Variants in ZNF710 observed in about 807,000 individuals in gnomAD.
ZNF710 encodes zinc finger protein 710.
A neutral mutation model predicts 50.6 loss-of-function variants in ZNF710; 13 were observed. That is an observed-to-expected ratio of 0.26 (90% confidence interval 0.17 to 0.41). The LOEUF (loss-of-function observed/expected upper bound fraction) is 0.41. ZNF710 is among the 10% of genes least tolerant of loss of function. The probability of loss-of-function intolerance (pLI) is 1.00; values close to 1 mark genes in which losing one functional copy is unlikely to be tolerated. For missense variants in ZNF710, 721 were observed against 936.6 expected, an observed-to-expected ratio of 0.77 and a Z score of 3.01; for synonymous variants, 383 against 397.0, an observed-to-expected ratio of 0.96 and a Z score of 0.42.
At chr15:90,046,813 G>C (rs767902376) in intron 1 of ZNF710, among the ~76,000 whole-genome samples, 1 of 152,326 alleles carries the variant, frequency 6.6e-6, no homozygotes, top group Non-Finnish European at 1.5e-5. Flanking sequence ...GCTGTGGTGT[G>C]GGTAAAGGTA....
intron 1 of ZNF710, among the ~76,000 whole-genome samples, chr15:90,013,956 A>G (rs1406046346): frequency 1.3e-5 from 2 of 152,144 alleles, no homozygotes; most frequent in Non-Finnish European, 2.9e-5. Context: ...CCAGAGCTGT[A>G]TCATTTATTT....
At chr15:90,047,471 A>T (rs769630528) in intron 1 of ZNF710, among the ~76,000 whole-genome samples, 17 of 152,196 alleles carry the variant, frequency 1.1e-4, no homozygotes, top group Admixed American at 2.6e-4. Context: ...GTGCTTCAAA[A>T]CCTGGTGGGG....
chr15:90,065,544 T>A (rs1304353925), intron 1 of ZNF710, among the ~76,000 whole-genome samples: 1 of 152,196 alleles, frequency 6.6e-6, no homozygotes, highest in East Asian at 1.9e-4. Flanking sequence ...GAGCCACGCC[T>A]CGGAGGCTGG....
At chr15:90,019,724 G>A (rs762245857) in intron 1 of ZNF710, among the ~76,000 whole-genome samples, 13 of 152,176 alleles carry the variant, frequency 8.5e-5, no homozygotes, top group Non-Finnish European at 1.8e-4. Flanking sequence ...ATGGGAGTGC[G>A]AGGGCTGGGC....
At chr15:90,020,791 C>T (rs1486580378) in intron 1 of ZNF710, among the ~76,000 whole-genome samples, 1 of 152,200 alleles carries the variant, frequency 6.6e-6, no homozygotes, top group Non-Finnish European at 1.5e-5. Context: ...CCGGTCCTCC[C>T]TCTCCTCCCT....
At chr15:90,035,092 A>G (rs1899079303) in intron 1 of ZNF710, among the ~76,000 whole-genome samples, 1 of 152,212 alleles carries the variant, frequency 6.6e-6, no homozygotes, top group Non-Finnish European at 1.5e-5. Context: ...GAAGGGGAGC[A>G]CTGCTGGAGG....
chr15:90,048,372 G>A (rs905713658), intron 1 of ZNF710, among the ~76,000 whole-genome samples: 1 of 152,226 alleles, frequency 6.6e-6, no homozygotes, highest in Non-Finnish European at 1.5e-5. Context: ...GAGAACCCAC[G>A]GGGTTCCCAG....
chr15:90,058,701 T>TATATATATATATATATATATA lies in ZNF710; in HGVS notation c.-28-8409_-28-8408insATATATATATATATATATATA, dbSNP rs1567236919. Among the ~76,000 whole-genome samples the TATATATATATATATATATATA allele has an allele frequency of 4.3e-4, 62 of 143,530 alleles. 1 individual carries two copies. Among genetic ancestry groups the TATATATATATATATATATATA allele is most frequent in the South Asian group, 8.6e-4 (4 of 4,630 alleles). 94.2% of individuals were successfully genotyped at this position (143,530 alleles called of 152,430 possible). A position where few individuals can be genotyped will look rare whatever the true frequency, so the allele number is the denominator to read the frequency against. ...AGAACCAGTAGGAGACACTATATAT[T>TATATATATATATATATATATA]TATATATATATATATATACACACAT... On this transcript the variant is annotated intron_variant, in intron 1 of 4. Transcript: ENST00000268154.
rs922723804 is a variant in ZNF710 at position 90,045,442 on chromosome 15, G to A, written c.-28-21668G>A. On this transcript the variant is annotated intron_variant, in intron 1 of 4. Transcript: ENST00000268154. ...GGACCTGGGTAAGGGTGCAGCTCTA[G>A]TGAGGTCAACACTGAGGTGAGCGCA... The A allele has an allele frequency of 8.2e-6, 8 of 974,076 alleles. No homozygotes were observed. In the African/African-American group the frequency reaches 1.4e-4, roughly 17 times the overall value. 60.3% of individuals were successfully genotyped at this position (974,076 alleles called of 1,614,324 possible). A position where few individuals can be genotyped will look rare whatever the true frequency, so the allele number is the denominator to read the frequency against.
chr15:90,007,836 C>T (rs190702610), intron 1 of ZNF710, among the ~76,000 whole-genome samples: 1 of 151,796 alleles, frequency 6.6e-6, no homozygotes, highest in Non-Finnish European at 1.5e-5. Context: ...GTAAGCATCT[C>T]CCCAGTTGTT....
intron 1 of ZNF710, among the ~76,000 whole-genome samples, chr15:90,039,639 A>G (rs187038345): frequency 6.6e-6 from 1 of 152,346 alleles, no homozygotes; most frequent in Admixed American, 6.5e-5. Context: ...GAGCTCAGGT[A>G]TGGAGGTGTC....
At position 90,059,825 on chromosome 15, in the gene ZNF710, G is replaced by A. The variant is rs1899948586; in HGVS notation, c.-28-7285G>A. On this transcript the variant is annotated intron_variant, in intron 1 of 4. Coordinates refer to ENST00000268154, the MANE Select transcript of ZNF710 (RefSeq NM_198526.4). This position sits in a 1 kb window ranked among gnomAD's most constrained non-coding sequence, Gnocchi z 4.1. ...GGACAACAGGGGAAACCAAGAGGCT[G>A]GTTTCCTTAGGCGGTGAAATCCCGT... Among the ~76,000 whole-genome samples the A allele has an allele frequency of 3.9e-5, 6 of 152,340 alleles. No homozygotes were observed. The South Asian group carries it at 1.2e-3, about 32-fold the overall frequency.
intron 1 of ZNF710, among the ~76,000 whole-genome samples, chr15:90,046,091 A>G (rs1048968748): frequency 2.6e-5 from 4 of 152,118 alleles, no homozygotes; most frequent in Non-Finnish European, 4.4e-5. Context: ...GGGGGGACAC[A>G]GGGCTCTCTG....
intron 1 of ZNF710, among the ~76,000 whole-genome samples, chr15:90,035,421 T>C (rs1899091748): frequency 6.6e-6 from 1 of 152,174 alleles, no homozygotes; most frequent in African/African-American, 2.4e-5. Context: ...GCCTGTGCAG[T>C]GAGCTGGCTG....
In ZNF710 at chr15:90,034,428, CTGTGTGTGTGTGTGTG is replaced by C. The variant is rs398028304; in HGVS notation, c.-28-32650_-28-32635del. On this transcript the variant is annotated intron_variant, in intron 1 of 4. Coordinates refer to ENST00000268154, the MANE Select transcript of ZNF710 (RefSeq NM_198526.4). This position sits in a 1 kb window ranked among gnomAD's most constrained non-coding sequence, Gnocchi z 4.0. ...AGCTGTCCTTCCTGTTTCCAAATTCCTGTGTGTGTGTGTGTGTGTGTGTGTGTGTGTGTGTGTGTGT... is the reference window on the plus strand; with the variant it reads ...AGCTGTCCTTCCTGTTTCCAAATTCCTGTGTGTGTGTGTGTGTGTGTGTGT... Among the ~76,000 whole-genome samples the C allele has an allele frequency of 2.9e-3, 397 of 136,274 alleles. 2 individuals carry two copies. The highest frequency in any genetic ancestry group is 7.4e-3 in the Middle Eastern group (2 of 272). The allele number at this position is 136,274 out of a possible 152,430, so 89.4% of individuals were successfully genotyped here. A position where few individuals can be genotyped will look rare whatever the true frequency, so the allele number is the denominator to read the frequency against.
intron 1 of ZNF710, among the ~76,000 whole-genome samples, chr15:90,031,014 G>C (rs866680006): frequency 5.7e-5 from 2 of 35,132 alleles, no homozygotes; most frequent in Non-Finnish European, 1.3e-4. Context: ...GCGAGACTCC[G>C]TCTCAAAAAA....
In ZNF710 at chr15:90,080,238, G is replaced by A; in HGVS notation, c.*409G>A. The stretch of plus-strand genomic sequence containing the variant: ...CCACTTGAGCCATGTCTTTTTCACG[G>A]CCAACTCCTGCCTCTAAGGATGTCT... On this transcript the variant is annotated 3_prime_UTR_variant, in exon 5 of 5. Coordinates refer to ENST00000268154, the MANE Select transcript of ZNF710 (RefSeq NM_198526.4). The A allele has an allele frequency of 6.2e-6, 1 of 162,088 alleles. No homozygotes were observed. Among genetic ancestry groups the A allele is most frequent in the Non-Finnish European group, 1.3e-5 (1 of 74,984 alleles). The allele number at this position is 162,088 out of a possible 1,614,324, so 10.0% of individuals were successfully genotyped here.
Position 90,068,170 on chromosome 15 carries a change from C to T in ZNF710, c.1033C>T (p.His345Tyr). The T allele has an allele frequency of 6.2e-7, 1 of 1,614,182 alleles. No individual in the cohort carries two copies. The highest frequency in any genetic ancestry group is 8.5e-7 in the Non-Finnish European group (1 of 1,180,046). Residue 345 changes from histidine (H) to tyrosine (Y), a missense_variant, in exon 2 of 5, where the codon CAC becomes TAC. Transcript: ENST00000268154. This position sits in a 1 kb window ranked among gnomAD's most constrained non-coding sequence, Gnocchi z 5.0. The stretch of plus-strand genomic sequence containing the variant: ...CCACCTGCAGACGCACCTGCTGACG[C>T]ACCAGGGCACCCGGCCCCACAAGTG... ...PSHLQTHLLT[H>Y]QGTRPHKCQV...
chr15:90,042,955 A>G (rs1899344280), intron 1 of ZNF710, among the ~76,000 whole-genome samples: 1 of 152,246 alleles, frequency 6.6e-6, no homozygotes, highest in Admixed American at 6.5e-5. Context: ...TGAGTGACAT[A>G]GACCCAACAG....
Sources: gnomAD v4.1 joint callset for allele counts (sites outside exome capture counted in the v4.1 genomes callset) on GRCh38, gnomAD v4.1.1 for gene constraint, Gnocchi (gnomAD v3.1) non-coding constraint, MANE v1.5 for transcripts, NCBI Gene and HGNC (gene_info 2026-07-23, HGNC 2026-07-21) for gene names.